Variants in DCC observed in about 807,000 individuals in gnomAD.
DCC encodes netrin receptor DCC.
In DCC, 58 loss-of-function variants were observed where a neutral mutation model predicts 172.5. The observed-to-expected ratio is 0.34, with a 90% CI of 0.27 to 0.42. The LOEUF is 0.42. Among genes scored for constraint, DCC ranks in the 10% least tolerant of loss-of-function variants. The pLI is 1.00. For synonymous variants in DCC, 709 were observed against 644.5 expected (o/e 1.10, Z -1.52); for missense variants, 1,740 against 1,791.0 (o/e 0.97, Z 0.51).
intron 2 of DCC, among the ~76,000 whole-genome samples, chr18:52,883,200 C>A (rs1287212683): frequency 6.6e-6 from 1 of 151,978 alleles, no homozygotes; most frequent in African/African-American, 2.4e-5. Flanking sequence ...ATGTTTTAAT[C>A]TATTAAGACA....
chr18:52,522,247 G>A (rs1293509007), intron 1 of DCC, among the ~76,000 whole-genome samples: 1 of 151,998 alleles, frequency 6.6e-6, no homozygotes, highest in Non-Finnish European at 1.5e-5. Context: ...ATTTTTATTT[G>A]GTTCAAGATA....
chr18:53,217,340 T>A (rs1401147303), intron 12 of DCC, among the ~76,000 whole-genome samples: 2 of 148,910 alleles, frequency 1.3e-5, no homozygotes, highest in African/African-American at 5.0e-5. Context: ...CACACAAATA[T>A]CACAGCTTCT....
chr18:52,729,096 A>G (rs545178875), intron 1 of DCC, among the ~76,000 whole-genome samples: 2 of 152,338 alleles, frequency 1.3e-5, no homozygotes, highest in South Asian at 2.1e-4. Flanking sequence ...TGAAACTGTT[A>G]TAAGAGAGAA....
chr18:53,325,710 C>T (rs541092691), intron 14 of DCC, among the ~76,000 whole-genome samples: 2 of 152,108 alleles, frequency 1.3e-5, no homozygotes, highest in Admixed American at 6.5e-5. Context: ...TAATAATGGC[C>T]CTCTTGTACA....
At chr18:52,877,811 T>TAA (rs33925252) in intron 2 of DCC, among the ~76,000 whole-genome samples, 3 of 151,616 alleles carry the variant, frequency 2.0e-5, no homozygotes, top group Non-Finnish European at 4.4e-5. Context: ...GTCATGAGAT[T>TAA]AAAAAAAATT....
intron 1 of DCC, among the ~76,000 whole-genome samples, chr18:52,563,045 A>C (rs2033075792): frequency 6.6e-6 from 1 of 152,182 alleles, no homozygotes; most frequent in African/African-American, 2.4e-5. Flanking sequence ...CTTTTTGACC[A>C]GTTCAAATAT....
chr18:53,375,962 G>C (rs1278877404), intron 15 of DCC, among the ~76,000 whole-genome samples: 1 of 152,102 alleles, frequency 6.6e-6, no homozygotes, highest in Admixed American at 6.5e-5. Flanking sequence ...ACTTAAAAAG[G>C]CACTCGGGTC....
chr18:53,478,729 C>T (rs992001830), intron 25 of DCC, among the ~76,000 whole-genome samples: 1 of 152,178 alleles, frequency 6.6e-6, no homozygotes, highest in Non-Finnish European at 1.5e-5. Context: ...CTTCCCTTTC[C>T]CACCATCTGC....
chr18:53,048,818 C>T (rs1187191250), intron 5 of DCC, among the ~76,000 whole-genome samples: 1 of 151,660 alleles, frequency 6.6e-6, no homozygotes, highest in Non-Finnish European at 1.5e-5. Context: ...TAAGGATTTT[C>T]TTCTCTCCAC....
intron 15 of DCC, among the ~76,000 whole-genome samples, chr18:53,361,613 G>C (rs7235938): frequency 0.96 from 146,868 of 152,228 alleles, 71,087 homozygotes; most frequent in Middle Eastern, 1. Flanking sequence ...TCAGTCAATT[G>C]TTGGCCAGTC....
At chr18:52,622,019 G>A (rs1286655406) in intron 1 of DCC, among the ~76,000 whole-genome samples, 6 of 151,990 alleles carry the variant, frequency 3.9e-5, no homozygotes, top group South Asian at 4.2e-4. Flanking sequence ...TTTGCATTCC[G>A]TGAACACACT....
At chr18:52,340,920 T>A in intron 1 of DCC, 42 bp downstream of exon 1, 1 of 1,402,948 alleles carries the variant, frequency 7.1e-7, no homozygotes, top group Non-Finnish European at 1.0e-6. Flanking sequence ...CCCCCTTCCG[T>A]ACCCCACTTC....
At chr18:52,656,080 ATG>A (rs59549711) in intron 1 of DCC, among the ~76,000 whole-genome samples, 28,245 of 141,086 alleles carry the variant, frequency 0.2, 3,120 homozygotes, top group South Asian at 0.29. Flanking sequence ...GTGTATATAT[ATG>A]TGTGTGTGTG....
At chr18:53,072,580 A>G (rs867758093) in intron 7 of DCC, among the ~76,000 whole-genome samples, 11 of 152,280 alleles carry the variant, frequency 7.2e-5, no homozygotes, top group Non-Finnish European at 1.3e-4. Flanking sequence ...GTAGTCTGGG[A>G]TGTGTTTAAT....
intron 2 of DCC, among the ~76,000 whole-genome samples, chr18:52,801,827 C>T (rs2037993020): frequency 6.6e-6 from 1 of 152,124 alleles, no homozygotes; most frequent in African/African-American, 2.4e-5. Context: ...GCACATGTAT[C>T]TCTGTCACTG....
At position 52,752,096 on chromosome 18, in the gene DCC, A is replaced by C; in HGVS notation, c.134A>C (p.Glu45Ala). 6.2e-7 allele frequency: 1 copy of C among 1,614,140 alleles called. No homozygotes were observed. Among genetic ancestry groups the C allele is most frequent in the Non-Finnish European group, 8.5e-7 (1 of 1,180,030 alleles). Residue 45 changes from glutamate to alanine, a missense_variant, in exon 2 of 29, where the codon GAA (glutamate) becomes GCA (alanine). Transcript: ENST00000442544. The stretch of plus-strand genomic sequence containing the variant: ...TTCACAGCACTGCGCTTCCTCTCAG[A>C]ACCTTCTGATGCCGTCACAATGCGG... Reference protein sequence around the residue: ...KAFTALRFLSEPSDAVTMRGG... With the variant: ...KAFTALRFLSAPSDAVTMRGG...
chr18:52,632,388 A>G (rs2034693648), intron 1 of DCC, among the ~76,000 whole-genome samples: 1 of 152,200 alleles, frequency 6.6e-6, no homozygotes, highest in Admixed American at 6.5e-5. Flanking sequence ...CCAATGTTCA[A>G]CATGTACATA....
At chr18:53,093,255 C>T (rs947217609) in intron 7 of DCC, among the ~76,000 whole-genome samples, 18 of 151,864 alleles carry the variant, frequency 1.2e-4, no homozygotes, top group Non-Finnish European at 1.8e-4. Flanking sequence ...CCAGCCTGGG[C>T]GACAGAGCGA....
intron 12 of DCC, among the ~76,000 whole-genome samples, chr18:53,254,507 C>G (rs1348753399): frequency 6.6e-6 from 1 of 151,998 alleles, no homozygotes; most frequent in African/African-American, 2.4e-5. Context: ...CATTGAATCC[C>G]TCTTTCAAAG....
Sources: allele counts gnomAD v4.1 joint callset (sites outside exome capture counted in the v4.1 genomes callset), GRCh38; gene constraint gnomAD v4.1.1; transcripts MANE v1.5; gene names NCBI Gene and HGNC (gene_info 2026-07-23, HGNC 2026-07-21).